Variants in CFAP69 observed in about 807,000 individuals in gnomAD.
CFAP69 encodes the protein cilia- and flagella-associated protein 69.
CFAP69 carries 92 observed loss-of-function variants against 123.0 expected under a neutral mutation model. The ratio of observed to expected loss-of-function variants is 0.75; its 90% CI spans 0.63 to 0.89. The LOEUF (loss-of-function observed/expected upper bound fraction) is 0.89, where lower values mean the gene tolerates loss of function less well. Ranked by LOEUF, CFAP69 falls within the 40% of genes least tolerant of loss-of-function variation. The pLI is 0.00. For missense variants in CFAP69, 1,067 were observed against 1,096.9 expected, an observed-to-expected ratio of 0.97 and a Z score of 0.39; for synonymous variants, 380 against 364.3, an observed-to-expected ratio of 1.04 and a Z score of -0.49.
chr7:90,285,835 C>G (rs1014093954), intron 13 of CFAP69, among the ~76,000 whole-genome samples: 2 of 152,192 alleles, frequency 1.3e-5, no homozygotes, highest in African/African-American at 4.8e-5. Flanking sequence ...CCTTTAATGA[C>G]ATACTGTTAA....
chr7:90,253,007 G>A (rs1468970842), intron 1 of CFAP69, among the ~76,000 whole-genome samples: 1 of 152,036 alleles, frequency 6.6e-6, no homozygotes, highest in Non-Finnish European at 1.5e-5. Context: ...TGCATGTAAG[G>A]AAAAACAAAA....
intron 5 of CFAP69, chr7:90,266,206 A>G (rs765094025): frequency 6.6e-6 from 1 of 152,144 alleles, no homozygotes; most frequent in Admixed American, 6.5e-5. Context: ...TTTAACATAG[A>G]CACTAACCCT....
chr7:90,262,131 C>T (rs1227578849), intron 4 of CFAP69, 75 bp downstream of exon 4: 4 of 938,468 alleles, frequency 4.3e-6, no homozygotes, highest in East Asian at 5.3e-5. Context: ...CACAAACATA[C>T]TATGCATTAT....
At chr7:90,289,245 A>G (rs1790750743) in intron 15 of CFAP69, among the ~76,000 whole-genome samples, 1 of 152,082 alleles carries the variant, frequency 6.6e-6, no homozygotes, top group South Asian at 2.1e-4. Context: ...AAAATTTTCC[A>G]AAGTACTTAC....
chr7:90,262,921 C>A (rs1391193381), intron 4 of CFAP69, among the ~76,000 whole-genome samples: 4 of 151,880 alleles, frequency 2.6e-5, no homozygotes, highest in East Asian at 3.9e-4. Context: ...ATAAAATAAC[C>A]AAAATAATAT....
At position 90,286,327 on chromosome 7, in the gene CFAP69, C is replaced by G; in HGVS notation, c.1584C>G (p.Ala528=). 1 of 1,608,622 alleles carries G rather than the reference C, an allele frequency of 6.2e-7. No homozygotes were observed. Among genetic ancestry groups the G allele is most frequent in the Non-Finnish European group, 8.5e-7 (1 of 1,176,762 alleles). ...IISKPNEKEE[A]IVLEIQSDIL... Reference sequence around the variant, plus strand: ...GCAAGCCTAATGAAAAGGAAGAAGCCATTGTTTTGGAAATCCAGTCTGATA... The same window carrying G: ...GCAAGCCTAATGAAAAGGAAGAAGCGATTGTTTTGGAAATCCAGTCTGATA... The change falls in exon 14 of 23, where the codon GCC becomes GCG. Residue 528 remains alanine (A), a synonymous_variant. Transcript: ENST00000389297.
At chr7:90,312,479 A>G (rs1244337260), downstream of CFAP69, 2 of 152,204 alleles carry the variant, frequency 1.3e-5, no homozygotes, top group African/African-American at 4.8e-5. Context: ...TATTTTGCCC[A>G]TCAGCAAGAA....
chr7:90,304,002 A>G lies in CFAP69; in HGVS notation c.2084A>G (p.Glu695Gly). The G allele has an allele frequency of 6.4e-7, 1 of 1,550,894 alleles. No individual in the cohort carries two copies. The highest frequency in any genetic ancestry group is 1.2e-5 in the South Asian group (1 of 83,960). ...TKKPLFTSFQ[E>G]EQKIIPLPAN... ...AAACCTCTATTTACTAGCTTTCAAG[A>G]AGAGCAAAAAATCATCCCACTGCCT... Residue 695 changes from glutamate (E) to glycine (G), a missense_variant, in exon 18 of 23, where the codon GAA becomes GGA. Transcript: ENST00000389297.
Position 90,299,922 on chromosome 7 carries a change from A to G in CFAP69, c.1913A>G (p.Asp638Gly), listed in dbSNP as rs769670519. The G allele has an allele frequency of 1.7e-5, 28 of 1,611,366 alleles. No individual in the cohort carries two copies. Among genetic ancestry groups the G allele is most frequent in the East Asian group, 1.1e-4 (5 of 44,686 alleles). The change falls in exon 17 of 23, where the codon GAT becomes GGT. Residue 638 changes from aspartate to glycine, a missense_variant. Coordinates refer to ENST00000389297, the MANE Select transcript of CFAP69 (RefSeq NM_001039706.3). The part of the protein sequence containing the change: ...LILGIMVEFC[D>G]NPKTAAHVNA... ...CTTGGAATAATGGTTGAATTTTGTG[A>G]TAATCCCAAAACTGCAGCTCATGTC...
chr7:90,282,913 A>G lies in CFAP69; in HGVS notation c.1394A>G (p.Asn465Ser). The G allele has an allele frequency of 6.5e-7, 1 of 1,530,836 alleles. No individual in the cohort carries two copies. The highest frequency in any genetic ancestry group is 1.3e-5 in the South Asian group (1 of 75,118). 94.8% of individuals were successfully genotyped at this position (1,530,836 alleles called of 1,614,324 possible). A position where few individuals can be genotyped will look rare whatever the true frequency, so the allele number is the denominator to read the frequency against. ...ESEDPFFSHG[N>S]SFHGTGGRGN... ...ACAGATCCGTTTTTCAGTCATGGTA[A>G]CAGTTTTCATGGTACAGGTGGCCGA... The change falls in exon 13 of 23, where the codon AAC becomes AGC. Residue 465 changes from asparagine to serine, a missense_variant. Asn to Ser is a conservative substitution (Grantham distance 46, BLOSUM62 1). Coordinates refer to ENST00000389297, the MANE Select transcript of CFAP69 (RefSeq NM_001039706.3).
intron 4 of CFAP69, among the ~76,000 whole-genome samples, chr7:90,262,465 G>A (rs549681579): frequency 6.6e-6 from 1 of 151,994 alleles, no homozygotes; most frequent in East Asian, 1.9e-4. Flanking sequence ...TGTTTTATTT[G>A]ATTTTTGAAA....
rs755918911 is a variant in CFAP69, at chr7:90,271,651, G to A, written c.658G>A (p.Val220Ile). Reference protein sequence around the residue: ...QLVEKLWVLKVLQHLSTSEVN... With the variant: ...QLVEKLWVLKILQHLSTSEVN... The stretch of plus-strand genomic sequence containing the variant: ...TGTTGAGAAACTTTGGGTACTTAAA[G>A]TTCTGCAGCATCTCTCAACTTCTGG... Residue 220 changes from valine to isoleucine, a missense_variant, in exon 7 of 23, where the codon GTT becomes ATT. Coordinates refer to ENST00000389297, the MANE Select transcript of CFAP69 (RefSeq NM_001039706.3). 4 of 1,613,526 alleles carry A rather than the reference G, an allele frequency of 2.5e-6. No individual in the cohort carries two copies. Among genetic ancestry groups the A allele is most frequent in the East Asian group, 4.5e-5 (2 of 44,862 alleles).
chr7:90,320,498 T>C, the CFAP69 span: 1 of 152,190 alleles, frequency 6.6e-6, no homozygotes, highest in Non-Finnish European at 1.5e-5. Context: ...GCATGCCTCC[T>C]TGCCAACTGA....
chr7:90,277,252 C>T lies in CFAP69; in HGVS notation c.1073C>T (p.Ser358Phe). ...CTTTTGGTAAAAGGACTTAAGCTTTCTAATTCCTATGAAGATTTTGAGTTG... is the reference window on the plus strand; with the variant it reads ...CTTTTGGTAAAAGGACTTAAGCTTTTTAATTCCTATGAAGATTTTGAGTTG... Reference protein sequence around the residue: ...QNLLVKGLKLSNSYEDFELKK... With the variant: ...QNLLVKGLKLFNSYEDFELKK... The change falls in exon 11 of 23, where the codon TCT (serine) becomes TTT (phenylalanine). Residue 358 changes from serine (S) to phenylalanine (F), a missense_variant. Transcript: ENST00000389297. 1 of 1,589,804 alleles carries T rather than the reference C, an allele frequency of 6.3e-7. No homozygotes were observed. Among genetic ancestry groups the T allele is most frequent in the Non-Finnish European group, 8.5e-7 (1 of 1,171,326 alleles).
Position 90,263,243 on chromosome 7 carries a change from A to C in CFAP69, c.356+1187A>C, listed in dbSNP as rs531619315. ...CAGTCTTCATTTTCCCTCATATTTC[A>C]TAATTATTCACATTGTTAATTTTTT... On this transcript the variant is annotated intron_variant, in intron 4 of 22. Transcript: ENST00000389297. 2.0e-5 allele frequency among the ~76,000 whole-genome samples: 3 copies of C among 152,250 alleles called. No homozygotes were observed. In the East Asian group the frequency reaches 5.8e-4, roughly 29 times the overall value.
downstream of CFAP69, among the ~76,000 whole-genome samples, chr7:90,312,220 C>T (rs1028346825): frequency 2.6e-5 from 4 of 152,100 alleles, no homozygotes; most frequent in Non-Finnish European, 2.9e-5. Context: ...AAGATTCAGC[C>T]AACAAAATAC....
At chr7:90,269,946 C>T (rs1456313981) in intron 6 of CFAP69, 1 of 152,142 alleles carries the variant, frequency 6.6e-6, no homozygotes, top group African/African-American at 2.4e-5. Context: ...AGAGCACAAG[C>T]TTAGAGTTAA....
At position 90,310,348 on chromosome 7, in the gene CFAP69, T is replaced by A. The variant is rs1794202989; in HGVS notation, c.*110T>A. ...TAGAATAAGTATTTTAGTATAAATA[T>A]TTTAGTAAAATACTATAAAAATAAA... On this transcript the variant is annotated 3_prime_UTR_variant, in exon 23 of 23. Coordinates refer to ENST00000389297, the MANE Select transcript of CFAP69 (RefSeq NM_001039706.3). The A allele has an allele frequency of 3.6e-6, 2 of 559,472 alleles. No individual in the cohort carries two copies. Among genetic ancestry groups the A allele is most frequent in the Non-Finnish European group, 5.4e-6 (2 of 372,738 alleles). 34.7% of individuals were successfully genotyped at this position (559,472 alleles called of 1,614,324 possible).
chr7:90,291,971 C>T (rs1179672844), intron 15 of CFAP69, among the ~76,000 whole-genome samples: 1 of 152,166 alleles, frequency 6.6e-6, no homozygotes, highest in East Asian at 1.9e-4. Flanking sequence ...GCCTAAATTG[C>T]AGAAACAAAC....
Sources: allele counts gnomAD v4.1 joint callset (sites outside exome capture counted in the v4.1 genomes callset), GRCh38; gene constraint gnomAD v4.1.1; transcripts MANE v1.5; gene names NCBI Gene and HGNC (gene_info 2026-07-23, HGNC 2026-07-21).